RIMS2: variants seen among roughly 807,000 people sequenced by gnomAD.
RIMS2 encodes the protein regulating synaptic membrane exocytosis protein 2.
Under a neutral mutation model 174.4 loss-of-function variants are expected in RIMS2, and 59 were observed. The ratio of observed to expected loss-of-function variants is 0.34; its 90% CI spans 0.27 to 0.42. The LOEUF (loss-of-function observed/expected upper bound fraction) is 0.42. RIMS2 is among the 10% of genes least tolerant of loss of function. RIMS2 has a pLI of 1.00. For missense variants in RIMS2, 1,620 were observed against 1,666.3 expected, an observed-to-expected ratio of 0.97 and a Z score of 0.48; for synonymous variants, 606 against 572.5, an observed-to-expected ratio of 1.06 and a Z score of -0.84.
At chr8:103,978,846 C>A (rs961436381) in intron 16 of RIMS2, among the ~76,000 whole-genome samples, 2 of 152,052 alleles carry the variant, frequency 1.3e-5, no homozygotes, top group African/African-American at 2.4e-5. Context: ...ATTTATTGTG[C>A]GACTCAAATA....
intron 4 of RIMS2, among the ~76,000 whole-genome samples, chr8:103,898,676 G>A (rs2099307992): frequency 1.3e-5 from 2 of 151,294 alleles, no homozygotes; most frequent in Admixed American, 6.6e-5. Context: ...ATTTTCAGAG[G>A]CTTAGGCTTG....
chr8:103,806,047 G>A (rs1306247808), intron 3 of RIMS2, among the ~76,000 whole-genome samples: 1 of 151,928 alleles, frequency 6.6e-6, no homozygotes, highest in Non-Finnish European at 1.5e-5. Context: ...TTAACATAAA[G>A]TTTTGAGATA....
chr8:103,776,979 T>C (rs1420388836), intron 3 of RIMS2, among the ~76,000 whole-genome samples: 1 of 152,102 alleles, frequency 6.6e-6, no homozygotes, highest in Non-Finnish European at 1.5e-5. Context: ...TTAGTAAGTG[T>C]TGACATTTTA....
intron 1 of RIMS2, chr8:103,559,408 G>T: frequency 2.8e-6 from 1 of 355,690 alleles, no homozygotes; most frequent in South Asian, 2.3e-5. Flanking sequence ...GCATGCCAGT[G>T]ATCCGATGCA....
intron 13 of RIMS2, among the ~76,000 whole-genome samples, chr8:103,940,570 A>G (rs1186407721): frequency 6.6e-6 from 1 of 152,128 alleles, no homozygotes; most frequent in African/African-American, 2.4e-5. Flanking sequence ...ATTGAAGTGA[A>G]TGTTGTCAGC....
At chr8:103,650,969 G>T (rs958129177) in intron 1 of RIMS2, among the ~76,000 whole-genome samples, 56 of 152,308 alleles carry the variant, frequency 3.7e-4, no homozygotes, top group African/African-American at 1.2e-3. Context: ...CTTCCTAGGG[G>T]TATTCACAGA....
intron 1 of RIMS2, among the ~76,000 whole-genome samples, chr8:103,557,655 T>G (rs2090742566): frequency 6.6e-6 from 1 of 152,204 alleles, no homozygotes; most frequent in African/African-American, 2.4e-5. Context: ...TCATTGCTAT[T>G]TCCATAAGTA....
intron 1 of RIMS2, among the ~76,000 whole-genome samples, chr8:103,532,137 C>T (rs1188346976): frequency 6.6e-6 from 1 of 152,194 alleles, no homozygotes; most frequent in Non-Finnish European, 1.5e-5. Context: ...CCAGTTAGAT[C>T]ATCTTCTTTC....
intron 19 of RIMS2, among the ~76,000 whole-genome samples, chr8:104,204,056 C>T (rs968657163): frequency 1.3e-5 from 2 of 152,142 alleles, no homozygotes; most frequent in East Asian, 3.9e-4. Flanking sequence ...ACTCTCTGCC[C>T]GCCATTCCAC....
chr8:103,996,653 TACAA>T (rs889231479), intron 17 of RIMS2, among the ~76,000 whole-genome samples: 2 of 151,858 alleles, frequency 1.3e-5, no homozygotes, highest in Non-Finnish European at 2.9e-5. Context: ...AGGCTGTATG[TACAA>T]ATGTGTTAAG....
chr8:103,799,210 T>A (rs2098584606), intron 3 of RIMS2, among the ~76,000 whole-genome samples: 1 of 152,174 alleles, frequency 6.6e-6, no homozygotes, highest in South Asian at 2.1e-4. Flanking sequence ...TTAATTTTAG[T>A]CCAATGAGAC....
chr8:104,069,189 G>A (rs562758532), intron 19 of RIMS2, among the ~76,000 whole-genome samples: 2 of 152,196 alleles, frequency 1.3e-5, no homozygotes, highest in Non-Finnish European at 2.9e-5. Context: ...AGATGATTTT[G>A]CCCAACTATA....
At chr8:104,097,088 T>C (rs181966130) in intron 19 of RIMS2, among the ~76,000 whole-genome samples, 1 of 152,268 alleles carries the variant, frequency 6.6e-6, no homozygotes, top group Admixed American at 6.5e-5. Context: ...TATGTTCTTA[T>C]ACAACATTAT....
chr8:103,921,904 C>T, intron 10 of RIMS2, 120 bp downstream of exon 13: 1 of 443,876 alleles, frequency 2.3e-6, no homozygotes, highest in Non-Finnish European at 4.0e-6. Context: ...TAACCTCCCA[C>T]TTTCTCATTC....
At chr8:103,641,099 A>G (rs991346899) in intron 1 of RIMS2, among the ~76,000 whole-genome samples, 4 of 152,098 alleles carry the variant, frequency 2.6e-5, no homozygotes, top group African/African-American at 9.7e-5. Context: ...ATTATGAAAT[A>G]CTTTGATTTT....
At chr8:103,925,743 T>C (rs1239316283) in intron 10 of RIMS2, among the ~76,000 whole-genome samples, 1 of 151,584 alleles carries the variant, frequency 6.6e-6, no homozygotes, top group South Asian at 2.1e-4. Flanking sequence ...TGGTTACTAA[T>C]GGACAGCGAG....
At chr8:103,644,225 G>A (rs1373851472) in intron 1 of RIMS2, among the ~76,000 whole-genome samples, 2 of 152,116 alleles carry the variant, frequency 1.3e-5, no homozygotes, top group Non-Finnish European at 2.9e-5. Flanking sequence ...TGGATATACT[G>A]GTTCCACCTG....
At chr8:103,576,145 C>T (rs180698456) in intron 1 of RIMS2, among the ~76,000 whole-genome samples, 7 of 152,328 alleles carry the variant, frequency 4.6e-5, no homozygotes, top group Non-Finnish European at 8.8e-5. Flanking sequence ...GCATGAATCC[C>T]TAGCCAGCCT....
chr8:104,040,182 G>A lies in RIMS2; in HGVS notation c.3334+25567G>A, dbSNP rs188332721. Among the ~76,000 whole-genome samples, 929 of 151,658 alleles carry A rather than the reference G, an allele frequency of 6.1e-3. 7 individuals are homozygous for A. Among genetic ancestry groups the A allele is most frequent in the Middle Eastern group, 0.024 (7 of 292 alleles). On this transcript the variant is annotated intron_variant, in intron 19 of 23. Transcript: ENST00000504942. ...GCTATAATTTTAATATGTTGATATT[G>A]CAAGTATATTTTGATGCAATATGCT...
Sources: allele counts gnomAD v4.1 joint callset (sites outside exome capture counted in the v4.1 genomes callset), GRCh38; gene constraint gnomAD v4.1.1; transcripts MANE v1.5; gene names NCBI Gene and HGNC (gene_info 2026-07-23, HGNC 2026-07-21).